The following HPSE2 variants were observed in gnomAD, a reference collection of about 807,000 sequenced individuals.
HPSE2 encodes the protein inactive heparanase-2.
Under a neutral mutation model 60.5 loss-of-function variants are expected in HPSE2, and 38 were observed. The ratio of observed to expected loss-of-function variants is 0.63; its 90% confidence interval spans 0.48 to 0.82. The LOEUF is 0.82. HPSE2 is among the 40% of genes least tolerant of loss of function. The pLI, the probability that HPSE2 is intolerant of heterozygous loss-of-function variation, is 0.00. For synonymous variants in HPSE2, 295 were observed against 293.2 expected (o/e 1.01, Z -0.06); for missense variants, 713 against 740.4 (o/e 0.96, Z 0.43).
intron 3 of HPSE2, among the ~76,000 whole-genome samples, chr10:98,935,984 C>A (rs1954777547): frequency 6.9e-6 from 1 of 144,788 alleles, no homozygotes; most frequent in South Asian, 2.1e-4. Context: ...TGGTGGACTC[C>A]TGCAGGGATG....
intron 9 of HPSE2, among the ~76,000 whole-genome samples, chr10:98,612,704 GA>G (rs1945795262): frequency 6.6e-6 from 1 of 152,240 alleles, no homozygotes; most frequent in Admixed American, 6.5e-5. Context: ...TGCCATTTAT[GA>G]AAGTGAACTG....
At chr10:98,819,107 A>C (rs1195115571) in intron 3 of HPSE2, among the ~76,000 whole-genome samples, 1 of 152,232 alleles carries the variant, frequency 6.6e-6, no homozygotes, top group Non-Finnish European at 1.5e-5. Context: ...ATACAATTAA[A>C]ACAAGATAAA....
intron 3 of HPSE2, among the ~76,000 whole-genome samples, chr10:98,919,350 A>C (rs1470400806): frequency 1.3e-5 from 2 of 152,208 alleles, no homozygotes; most frequent in Non-Finnish European, 2.9e-5. Flanking sequence ...GAAATGCCTC[A>C]TATGCCATGC....
rs373045075 is a variant in HPSE2 at position 98,878,677 on chromosome 10, T to C, written c.611-134621A>G. Among the ~76,000 whole-genome samples, 43 of 152,094 alleles carry C rather than the reference T, an allele frequency of 2.8e-4. No individual in the cohort carries two copies. The East Asian group carries it at 6.6e-3, about 23-fold the overall frequency. On this transcript the variant is annotated intron_variant, in intron 3 of 11. Transcript: ENST00000370552. ...AGGGATCAGAGCATGCAACAGGTTATAGGCCATGTTAAGAATGTGATGCTT... is the reference window on the plus strand; with the variant it reads ...AGGGATCAGAGCATGCAACAGGTTACAGGCCATGTTAAGAATGTGATGCTT...
At chr10:99,066,132 C>T (rs185022943) in intron 3 of HPSE2, among the ~76,000 whole-genome samples, 1 of 151,968 alleles carries the variant, frequency 6.6e-6, no homozygotes, top group African/African-American at 2.4e-5. Context: ...TTTGGCAGGG[C>T]AGTAAATACT....
rs570411767 is a variant in HPSE2 at position 98,692,316 on chromosome 10, C to T, written c.1004+1584G>A. 2.0e-5 allele frequency among the ~76,000 whole-genome samples: 3 copies of T among 152,262 alleles called. No individual in the cohort carries two copies. The East Asian group carries it at 5.8e-4, about 29-fold the overall frequency. On this transcript the variant is annotated intron_variant, in intron 6 of 11. Coordinates refer to ENST00000370552, the MANE Select transcript of HPSE2 (RefSeq NM_021828.5). The stretch of plus-strand genomic sequence containing the variant: ...CTAGTTAGCTGGGACAGAATAAGGG[C>T]AGAGTGGCACCAGATGAAATCAGAA...
intron 2 of HPSE2, among the ~76,000 whole-genome samples, chr10:99,212,072 G>C (rs988478613): frequency 1.3e-5 from 2 of 152,048 alleles, no homozygotes; most frequent in African/African-American, 4.8e-5. Context: ...AAAGTATATG[G>C]AAAAATGTTC....
At chr10:99,100,538 G>A (rs142815363) in intron 3 of HPSE2, among the ~76,000 whole-genome samples, 1 of 152,262 alleles carries the variant, frequency 6.6e-6, no homozygotes, top group African/African-American at 2.4e-5. Flanking sequence ...AAAGTGACGG[G>A]GAGAACGGAA....
At chr10:98,542,032 ACC>A (rs1943485778) in intron 9 of HPSE2, among the ~76,000 whole-genome samples, 1 of 5,142 alleles carries the variant, frequency 1.9e-4, no homozygotes, top group Non-Finnish European at 1.8e-3. Flanking sequence ...TGGGTCCCTG[ACC>A]CCTGACCCCT....
At chr10:98,922,878 T>C (rs1022480437) in intron 3 of HPSE2, among the ~76,000 whole-genome samples, 2 of 152,240 alleles carry the variant, frequency 1.3e-5, no homozygotes, top group Non-Finnish European at 2.9e-5. Context: ...GTAGCTGTTA[T>C]CTTTGATTGG....
At chr10:98,714,158 A>G (rs1291299555) in intron 5 of HPSE2, among the ~76,000 whole-genome samples, 3 of 151,844 alleles carry the variant, frequency 2.0e-5, no homozygotes, top group African/African-American at 7.2e-5. Flanking sequence ...GGTGTATAGG[A>G]GCTTTATCTT....
intron 5 of HPSE2, among the ~76,000 whole-genome samples, chr10:98,703,569 A>G (rs1948469154): frequency 6.6e-6 from 1 of 152,152 alleles, no homozygotes; most frequent in African/African-American, 2.4e-5. Context: ...AAACTTATCC[A>G]CCGTGATCAA....
chr10:98,868,201 T>A (rs1009824736), intron 3 of HPSE2, among the ~76,000 whole-genome samples: 5 of 151,852 alleles, frequency 3.3e-5, no homozygotes, highest in Admixed American at 3.3e-4. Flanking sequence ...ACAACATGGA[T>A]GAAACTGGAG....
chr10:99,070,710 C>T (rs1255213500), intron 3 of HPSE2, among the ~76,000 whole-genome samples: 1 of 152,160 alleles, frequency 6.6e-6, no homozygotes, highest in Admixed American at 6.5e-5. Context: ...TTTCTGATTC[C>T]ATTGGTTTGG....
upstream of HPSE2, chr10:99,235,935 C>A: frequency 1.4e-6 from 1 of 719,610 alleles, no homozygotes; most frequent in Non-Finnish European, 2.5e-6. Flanking sequence ...CCAACACACA[C>A]ACACTCTCTC....
chr10:99,225,546 A>G (rs1405030567), intron 2 of HPSE2, among the ~76,000 whole-genome samples: 1 of 152,092 alleles, frequency 6.6e-6, no homozygotes, highest in African/African-American at 2.4e-5. Flanking sequence ...GTAAGGATCT[A>G]ATTAATAATT....
chr10:98,879,472 G>A (rs981330918), intron 3 of HPSE2, among the ~76,000 whole-genome samples: 6 of 151,994 alleles, frequency 3.9e-5, no homozygotes, highest in Non-Finnish European at 8.8e-5. Context: ...GTTCCAGCTG[G>A]TGTCTGGTGA....
At chr10:98,601,091 TGCAGTTCAAGCCTGAAG>T (rs1945413110) in intron 9 of HPSE2, among the ~76,000 whole-genome samples, 1 of 150,110 alleles carries the variant, frequency 6.7e-6, no homozygotes, top group African/African-American at 2.4e-5. Context: ...GAGCTGAGGT[TGCAGTTCAAGCCTGAAG>T]GCAGTCTGCT....
In HPSE2 at chr10:98,542,040, CCCCT is replaced by C. The variant is rs1300117016; in HGVS notation, c.1321-51848_1321-51845del. Among the ~76,000 whole-genome samples the C allele has an allele frequency of 4.5e-3, 661 of 148,084 alleles. 7 individuals are homozygous for C. Among genetic ancestry groups the C allele is most frequent in the African/African-American group, 0.015 (621 of 40,738 alleles). On this transcript the variant is annotated intron_variant, in intron 9 of 11. Coordinates refer to ENST00000370552, the MANE Select transcript of HPSE2 (RefSeq NM_021828.5). Reference sequence around the variant, plus strand: ...CCTCAAGTGGGTCCCTGACCCCTGACCCCTGACCCCCAAGCAGCCTAACTGGGAG... The same window carrying C: ...CCTCAAGTGGGTCCCTGACCCCTGACGACCCCCAAGCAGCCTAACTGGGAG...
Sources: gnomAD v4.1 joint callset for allele counts (sites outside exome capture counted in the v4.1 genomes callset) on GRCh38, gnomAD v4.1.1 for gene constraint, MANE v1.5 for transcripts, NCBI Gene and HGNC (gene_info 2026-07-23, HGNC 2026-07-21) for gene names.